ZNF460: variants seen among roughly 807,000 people sequenced by gnomAD.
The protein encoded by ZNF460 is zinc finger protein 460.
A neutral mutation model predicts 8.4 loss-of-function variants in ZNF460; 1 was observed. The observed-to-expected ratio is 0.12, with a 90% confidence interval of 0.04 to 0.56. The LOEUF (loss-of-function observed/expected upper bound fraction) is 0.56, where lower values mean the gene tolerates loss of function less well. Among genes scored for constraint, ZNF460 ranks in the 20% least tolerant of loss-of-function variants. ZNF460 has a pLI of 0.91. For missense variants in ZNF460, 477 were observed against 714.8 expected, an observed-to-expected ratio of 0.67 and a Z score of 3.79; for synonymous variants, 262 against 259.9, an observed-to-expected ratio of 1.01 and a Z score of -0.08.
chr19:57,290,004 G>T (rs1388695483), intron 2 of ZNF460, among the ~76,000 whole-genome samples: 1 of 151,962 alleles, frequency 6.6e-6, no homozygotes, highest in Non-Finnish European at 1.5e-5. Flanking sequence ...GCCCAGCATG[G>T]TGGCGCACAC....
intron 2 of ZNF460, among the ~76,000 whole-genome samples, chr19:57,288,068 A>C (rs561640598): frequency 6.6e-6 from 1 of 152,214 alleles, no homozygotes; most frequent in African/African-American, 2.4e-5. Context: ...ATATCACAGC[A>C]CAGAAACCAT....
In ZNF460 at chr19:57,291,369, A is replaced by C. The variant is rs758765460; in HGVS notation, c.828A>C (p.Gly276=). 1.9e-6 allele frequency: 3 copies of C among 1,614,014 alleles called. No homozygotes were observed. Among genetic ancestry groups the C allele is most frequent in the Non-Finnish European group, 2.5e-6 (3 of 1,180,008 alleles). The change falls in exon 3 of 3, where the codon GGA becomes GGC. Residue 276 remains glycine, a synonymous_variant. Transcript: ENST00000360338. The surrounding 1 kb of genome is among the most constrained non-coding windows in gnomAD (Gnocchi z 8.4). ...HLTRHQRVHS[G]EKPFVCNECG... ...CACGGCACCAGCGGGTTCACAGTGG[A>C]GAGAAGCCTTTTGTGTGCAATGAAT... is the stretch of plus-strand genomic sequence containing the variant.
At chr19:57,285,898 T>C (rs2087876360) in intron 2 of ZNF460, among the ~76,000 whole-genome samples, 1 of 152,192 alleles carries the variant, frequency 6.6e-6, no homozygotes, top group Non-Finnish European at 1.5e-5. Flanking sequence ...AGCACAGCAC[T>C]TGGGAGACCA....
At position 57,286,834 on chromosome 19, in the gene ZNF460, C is replaced by G. The variant is rs139354172; in HGVS notation, c.157+2157C>G. 4.7e-3 allele frequency among the ~76,000 whole-genome samples: 714 copies of G among 151,950 alleles called. 6 individuals carry two copies. The highest frequency in any genetic ancestry group is 0.016 in the African/African-American group (674 of 41,436). ...AAACAATTAGCCAGGCGTGGCGGTA[C>G]ACACCTGTAATCCCAGCTACTCGGG... On this transcript the variant is annotated intron_variant, in intron 2 of 2. Transcript: ENST00000360338.
At chr19:57,282,848 C>T (rs1235924225) in intron 1 of ZNF460, among the ~76,000 whole-genome samples, 1 of 151,830 alleles carries the variant, frequency 6.6e-6, no homozygotes, top group African/African-American at 2.4e-5. Context: ...AAAATTAGAC[C>T]GGCATGGCAT....
chr19:57,288,313 C>T (rs2087893511), intron 2 of ZNF460, among the ~76,000 whole-genome samples: 1 of 152,106 alleles, frequency 6.6e-6, no homozygotes, highest in South Asian at 2.1e-4. Context: ...AGCAGTTCTC[C>T]TACAGAGTAG....
chr19:57,289,595 T>TA (rs1276508975), intron 2 of ZNF460, among the ~76,000 whole-genome samples: 1 of 152,172 alleles, frequency 6.6e-6, no homozygotes, highest in Non-Finnish European at 1.5e-5. Flanking sequence ...AAGCTTATGA[T>TA]AGAGTGTCAT....
chr19:57,283,469 A>G (rs542336747), intron 1 of ZNF460, among the ~76,000 whole-genome samples: 1 of 142,028 alleles, frequency 7.0e-6, no homozygotes, highest in South Asian at 2.3e-4. Flanking sequence ...TGCCCAGCCT[A>G]CAAACAGTTT....
intron 2 of ZNF460, among the ~76,000 whole-genome samples, chr19:57,290,333 G>A (rs866750673): frequency 8.6e-5 from 13 of 151,564 alleles, no homozygotes; most frequent in African/African-American, 2.7e-4. Flanking sequence ...GCTGGAGTGC[G>A]GTGGCTCAGT....
In ZNF460 at chr19:57,292,066, A is replaced by G. The variant is rs1283666098; in HGVS notation, c.1525A>G (p.Ser509Gly). The change falls in exon 3 of 3, where the codon AGT (serine) becomes GGT (glycine). Residue 509 changes from serine (S) to glycine (G), a missense_variant. Physicochemically the swap from Ser to Gly is moderately conservative, Grantham distance 56. Around this residue, in one of 5 missense-constraint regions of ZNF460, gnomAD observed 83 missense variants for 82.3 expected, o/e 1.01. Coordinates refer to ENST00000360338, the MANE Select transcript of ZNF460 (RefSeq NM_006635.4). Reference sequence around the variant, plus strand: ...AGAGAAGTCCCACGAACCCATCCAGAGTGGGAACGTTTCTTGTGAGAGCAC... The same window carrying G: ...AGAGAAGTCCCACGAACCCATCCAGGGTGGGAACGTTTCTTGTGAGAGCAC... ...TAEKSHEPIQ[S>G]GNVSCESTDL... 2 of 1,614,034 alleles carry G rather than the reference A, an allele frequency of 1.2e-6. No homozygotes were observed. Among genetic ancestry groups the G allele is most frequent in the Non-Finnish European group, 1.7e-6 (2 of 1,180,028 alleles).
At chr19:57,283,502 C>CTTT (rs926242067) in intron 1 of ZNF460, among the ~76,000 whole-genome samples, 10,757 of 68,310 alleles carry the variant, frequency 0.16, 1,666 homozygotes, top group East Asian at 0.33. Context: ...TTTGACTATT[C>CTTT]TTTTTTTTTT....
At chr19:57,287,168 C>G (rs992120325) in intron 2 of ZNF460, among the ~76,000 whole-genome samples, 2 of 152,170 alleles carry the variant, frequency 1.3e-5, no homozygotes, top group African/African-American at 4.8e-5. Flanking sequence ...AGTGTGCTCT[C>G]TGACATATCT....
At position 57,280,790 on chromosome 19, in the gene ZNF460, TC is replaced by T. The variant is rs2087832314; in HGVS notation, c.-15del. On this transcript the variant is annotated 5_prime_UTR_variant, in exon 1 of 3. Transcript: ENST00000360338. ...ACAGAGAAGGGCTGTGGTCGGCTGA[TC>T]CGCGGCATTCCCGGGATGGCGGCGG... 3.7e-6 allele frequency: 6 copies of T among 1,613,850 alleles called. No homozygotes were observed. Among genetic ancestry groups the T allele is most frequent in the Non-Finnish European group, 5.1e-6 (6 of 1,179,952 alleles).
chr19:57,284,999 A>G (rs2087869520), intron 2 of ZNF460, among the ~76,000 whole-genome samples: 1 of 151,854 alleles, frequency 6.6e-6, no homozygotes, highest in African/African-American at 2.4e-5. Flanking sequence ...TATTTTTAGT[A>G]GAGAAGGGGT....
At position 57,291,175 on chromosome 19, in the gene ZNF460, C is replaced by T. The variant is rs1307099818; in HGVS notation, c.634C>T (p.Leu212Phe). 6.2e-7 allele frequency: 1 copy of T among 1,614,108 alleles called. No homozygotes were observed. Among genetic ancestry groups the T allele is most frequent in the Non-Finnish European group, 8.5e-7 (1 of 1,180,010 alleles). The change falls in exon 3 of 3, where the codon CTT becomes TTT. Residue 212 changes from leucine to phenylalanine, a missense_variant. By Grantham distance (22) the Leu-to-Phe change is conservative. Around this residue, in one of 5 missense-constraint regions of ZNF460, gnomAD observed 193 missense variants for 391.7 expected, o/e 0.49. Transcript: ENST00000360338. This position sits in a 1 kb window ranked among gnomAD's most constrained non-coding sequence, Gnocchi z 8.4. ...GKAFGKSKHL[L>F]QHHIIHTGEK... ...AGCCTTCGGCAAGAGCAAACACCTCCTTCAGCATCACATCATCCATACTGG... is the reference window on the plus strand; with the variant it reads ...AGCCTTCGGCAAGAGCAAACACCTCTTTCAGCATCACATCATCCATACTGG...
At chr19:57,280,480 G>T, upstream of ZNF460, 1 of 376,928 alleles carries the variant, frequency 2.7e-6, no homozygotes, top group Non-Finnish European at 4.9e-6. Context: ...GGCCGGTTTG[G>T]CCCTGAAACA....
In ZNF460 at chr19:57,290,784, A is replaced by C. The variant is rs766021262; in HGVS notation, c.243A>C (p.Ala81=). 6.2e-7 allele frequency: 1 copy of C among 1,614,188 alleles called. No individual in the cohort carries two copies. Among genetic ancestry groups the C allele is most frequent in the Admixed American group, 1.7e-5 (1 of 60,026 alleles). The change falls in exon 3 of 3, where the codon GCA becomes GCC. Residue 81 remains alanine, a synonymous_variant. Coordinates refer to ENST00000360338, the MANE Select transcript of ZNF460 (RefSeq NM_006635.4). ...AAGTCTCACTCCAGGAACAGCTGGC[A>C]CAGGGAGTCCCAAGATACTCCTATT... ...PEEVSLQEQL[A]QGVPRYSYLG...
intron 1 of ZNF460, among the ~76,000 whole-genome samples, chr19:57,284,073 A>C (rs1045214471): frequency 2.6e-5 from 4 of 151,990 alleles, no homozygotes; most frequent in Non-Finnish European, 5.9e-5. Flanking sequence ...TGTTTTTATT[A>C]TTATTATTTC....
intron 2 of ZNF460, among the ~76,000 whole-genome samples, chr19:57,290,239 C>T (rs2087907016): frequency 6.6e-6 from 1 of 152,176 alleles, no homozygotes; most frequent in African/African-American, 2.4e-5. Flanking sequence ...TCCGCCTCAG[C>T]CTCCCAAACC....
Sources: allele counts gnomAD v4.1 joint callset (sites outside exome capture counted in the v4.1 genomes callset), GRCh38; gene constraint gnomAD v4.1.1; regional missense constraint gnomAD v4.1.1; non-coding constraint Gnocchi (gnomAD v3.1); transcripts MANE v1.5; gene names NCBI Gene and HGNC (gene_info 2026-07-23, HGNC 2026-07-21).